The following ROS1 variants were observed in gnomAD, a reference collection of about 807,000 sequenced individuals.
ROS1 encodes the protein ROS proto-oncogene 1, receptor tyrosine kinase.
In ROS1, 263 loss-of-function variants were observed where a neutral mutation model predicts 273.5. The ratio of observed to expected loss-of-function variants is 0.96; its 90% CI spans 0.87 to 1.06. The LOEUF (loss-of-function observed/expected upper bound fraction) is 1.06. Among genes scored for constraint, ROS1 ranks in the 50% least tolerant of loss-of-function variants. The pLI is 0.00. For missense variants in ROS1, 2,833 were observed against 2,751.1 expected (o/e 1.03, Z -0.67); for synonymous variants, 1,008 against 954.1 (o/e 1.06, Z -1.04).
At chr6:117,409,743 A>G (rs1774750537) in intron 4 of ROS1, 101 bp from the exon 5 acceptor site, 1 of 853,084 alleles carries the variant, frequency 1.2e-6, no homozygotes, top group Non-Finnish European at 2.0e-6. Context: ...ATATGCAAGT[A>G]TATCTTTGAC....
chr6:117,367,295 G>C (rs1162258086), intron 18 of ROS1, among the ~76,000 whole-genome samples: 2 of 150,540 alleles, frequency 1.3e-5, no homozygotes, highest in Non-Finnish European at 3.0e-5. Flanking sequence ...TGAGGGATTT[G>C]AAAAAAAGAC....
intron 32 of ROS1, among the ~76,000 whole-genome samples, chr6:117,329,787 G>A (rs979366741): frequency 6.6e-5 from 10 of 152,032 alleles, no homozygotes; most frequent in Non-Finnish European, 1.3e-4. Context: ...AGCGGCGAGC[G>A]AGCAGGCTAC....
chr6:117,345,741 C>A (rs1022837362), intron 27 of ROS1, among the ~76,000 whole-genome samples: 2 of 152,110 alleles, frequency 1.3e-5, no homozygotes, highest in African/African-American at 4.8e-5. Flanking sequence ...AGACAATGGC[C>A]TGCTTTACAG....
intron 1 of ROS1, among the ~76,000 whole-genome samples, chr6:117,424,693 CA>C (rs1314390461): frequency 6.1e-4 from 93 of 151,972 alleles, no homozygotes; most frequent in Non-Finnish European, 1.8e-4. Context: ...CAGTTTAAAT[CA>C]AAAGTGTATA....
chr6:117,388,453 A>C (rs538687967), intron 13 of ROS1, among the ~76,000 whole-genome samples: 6 of 152,336 alleles, frequency 3.9e-5, no homozygotes, highest in Admixed American at 1.3e-4. Context: ...AGACATAATT[A>C]ACTTTGTTCT....
Position 117,379,105 on chromosome 6 carries a change from C to A in ROS1, c.2536G>T (p.Asp846Tyr). 6.2e-7 allele frequency: 1 copy of A among 1,613,470 alleles called. No homozygotes were observed. The highest frequency in any genetic ancestry group is 1.1e-5 in the South Asian group (1 of 91,048). ...GTGTACAGGTGAATACATTGACTGTCTTGAACCAACCAATACAGGAGCCCA... is the reference window on the plus strand; with the variant it reads ...GTGTACAGGTGAATACATTGACTGTATTGAACCAACCAATACAGGAGCCCA... ...SDGLLYWLVQ[D>Y]SQCIHLYTAV... The change falls in exon 18 of 44, where the codon GAC becomes TAC. Residue 846 changes from aspartate to tyrosine, a missense_variant. By Grantham distance (160) the Asp-to-Tyr change is radical. Transcript: ENST00000368507.
intron 43 of ROS1, among the ~76,000 whole-genome samples, chr6:117,289,479 T>A (rs1773670807): frequency 6.6e-6 from 1 of 152,196 alleles, no homozygotes; most frequent in Non-Finnish European, 1.5e-5. Context: ...GTGTACCTAT[T>A]TTTCCCAATA....
intron 43 of ROS1, among the ~76,000 whole-genome samples, chr6:117,297,937 A>G (rs1463475801): frequency 3.3e-5 from 5 of 152,200 alleles, no homozygotes; most frequent in African/African-American, 1.2e-4. Flanking sequence ...TTATCACAGT[A>G]CTACTCATAA....
At chr6:117,358,161 G>C in intron 24 of ROS1, 152 bp from the exon 25 acceptor site, 1 of 588,556 alleles carries the variant, frequency 1.7e-6, no homozygotes, top group Non-Finnish European at 3.0e-6. Context: ...TGTAACATGG[G>C]CACTGTTCTC....
intron 17 of ROS1, among the ~76,000 whole-genome samples, chr6:117,382,068 C>T (rs1772201292): frequency 6.6e-6 from 1 of 152,078 alleles, no homozygotes; most frequent in African/African-American, 2.4e-5. Context: ...GAAGAAGTTA[C>T]TCTTGAGATA....
Position 117,344,070 on chromosome 6 carries a change from T to C in ROS1, c.4496A>G (p.Tyr1499Cys), listed in dbSNP as rs958026755. 3.1e-6 allele frequency: 5 copies of C among 1,612,066 alleles called. No individual in the cohort carries two copies. Among genetic ancestry groups the C allele is most frequent in the Non-Finnish European group, 4.2e-6 (5 of 1,178,296 alleles). The change falls in exon 28 of 44, where the codon TAT becomes TGT. Residue 1499 changes from tyrosine to cysteine, a missense_variant. Coordinates refer to ENST00000368507, the MANE Select transcript of ROS1 (RefSeq NM_001378902.1). ...NDRKNSSDLKYRILEFQDSIA... is the reference protein window; with the variant it reads ...NDRKNSSDLKCRILEFQDSIA... The stretch of plus-strand genomic sequence containing the variant: ...TAGTTCCAATCTTACCAGAATTCTA[T>C]ATTTCAAGTCAGAGCTGTTTTTCCT...
At position 117,329,344 on chromosome 6, in the gene ROS1, T is replaced by C; in HGVS notation, c.5333A>G (p.Tyr1778Cys). Residue 1778 changes from tyrosine (Y) to cysteine (C), a missense_variant, in exon 33 of 44, where the codon TAT (tyrosine) becomes TGT (cysteine). Coordinates refer to ENST00000368507, the MANE Select transcript of ROS1 (RefSeq NM_001378902.1). ...AEDNGCRITY[Y>C]ILEIRKSTSN... is the part of the protein sequence containing the mutation. ...ACACACATACCTTATCTCAAGGATATAGTATGTAATTCTACATCCATTATC... is the reference window on the plus strand; with the variant it reads ...ACACACATACCTTATCTCAAGGATACAGTATGTAATTCTACATCCATTATC... 4 of 1,464,562 alleles carry C rather than the reference T, an allele frequency of 2.7e-6. No individual in the cohort carries two copies. The highest frequency in any genetic ancestry group is 3.8e-6 in the Non-Finnish European group (4 of 1,045,900). The allele number at this position is 1,464,562 out of a possible 1,614,324, so 90.7% of individuals were successfully genotyped here.
At chr6:117,294,087 G>A (rs549778823) in intron 43 of ROS1, among the ~76,000 whole-genome samples, 1 of 152,128 alleles carries the variant, frequency 6.6e-6, no homozygotes, top group Non-Finnish European at 1.5e-5. Context: ...GGCAGAAAAG[G>A]CATTTGACAA....
At chr6:117,352,615 ACCTTGAAAACAAGGTTGTATGCAATG>A (rs1778968897) in intron 27 of ROS1, among the ~76,000 whole-genome samples, 1 of 152,218 alleles carries the variant, frequency 6.6e-6, no homozygotes, top group Non-Finnish European at 1.5e-5. Flanking sequence ...ATGACCTGTT[ACCTTGAAAACAAGGTTGTATGCAATG>A]CTTTTTGACA....
At chr6:117,405,734 G>A (rs944436938) in intron 5 of ROS1, among the ~76,000 whole-genome samples, 6 of 152,144 alleles carry the variant, frequency 3.9e-5, no homozygotes, top group Non-Finnish European at 8.8e-5. Flanking sequence ...ATGAAAAAGG[G>A]AAGCTAGACT....
At chr6:117,327,146 T>A (rs1776699597) in intron 33 of ROS1, among the ~76,000 whole-genome samples, 1 of 152,148 alleles carries the variant, frequency 6.6e-6, no homozygotes. Context: ...CACGGTAAGC[T>A]TAGGGATATG....
At chr6:117,386,778 T>C in intron 15 of ROS1, 111 bp downstream of exon 15, 1 of 534,858 alleles carries the variant, frequency 1.9e-6, no homozygotes, top group East Asian at 2.8e-5. Context: ...TTTTTTCCTT[T>C]CACTATTGAC....
chr6:117,414,184 C>G (rs1360632864), intron 4 of ROS1, among the ~76,000 whole-genome samples: 1 of 152,060 alleles, frequency 6.6e-6, no homozygotes, highest in Non-Finnish European at 1.5e-5. Flanking sequence ...TCCTTCTCTC[C>G]CCTCCATTAC....
intron 39 of ROS1, among the ~76,000 whole-genome samples, chr6:117,316,888 C>T (rs988461074): frequency 1.3e-5 from 2 of 152,030 alleles, no homozygotes; most frequent in African/African-American, 4.8e-5. Context: ...TCCAGAAAAA[C>T]ATGATTCTGG....
Sources: allele counts gnomAD v4.1 joint callset (sites outside exome capture counted in the v4.1 genomes callset), GRCh38; gene constraint gnomAD v4.1.1; transcripts MANE v1.5; gene names NCBI Gene and HGNC (gene_info 2026-07-23, HGNC 2026-07-21).